Variants in DCBLD1 observed in about 807,000 individuals in gnomAD.
The protein encoded by DCBLD1 is discoidin, CUB and LCCL domain containing 1.
DCBLD1 carries 57 observed loss-of-function variants against 71.5 expected under a neutral mutation model. The observed-to-expected ratio is 0.80, with a 90% CI of 0.64 to 0.99. The LOEUF (loss-of-function observed/expected upper bound fraction) is 0.99, where lower values mean the gene tolerates loss of function less well. Among genes scored for constraint, DCBLD1 ranks in the 50% least tolerant of loss-of-function variants. The probability of loss-of-function intolerance (pLI) is 0.00; values close to 1 mark genes in which losing one functional copy is unlikely to be tolerated. For missense variants in DCBLD1, 891 were observed against 923.5 expected (o/e 0.96, Z 0.46); for synonymous variants, 380 against 363.8 (o/e 1.04, Z -0.51).
At chr6:117,547,854 C>G (rs550242874) in intron 14 of DCBLD1, 53 bp from the exon 15 acceptor site, 8 of 1,549,828 alleles carry the variant, frequency 5.2e-6, no homozygotes, top group Non-Finnish European at 6.1e-6. Flanking sequence ...CTGCCACTGA[C>G]AGGCCGGCCC....
At position 117,548,023 on chromosome 6, in the gene DCBLD1, T is replaced by C; in HGVS notation, c.1732T>C (p.Tyr578His). The change falls in exon 15 of 15, where the codon TAT becomes CAT. Residue 578 changes from tyrosine to histidine, a missense_variant. By Grantham distance (83) the Tyr-to-His change is moderately conservative. Transcript: ENST00000338728. The stretch of plus-strand genomic sequence containing the variant: ...GGTGAGCACCGATGCCGGCGGCCAC[T>C]ATGACTGCCCGCAGCGGGCCGGCCG... Reference protein sequence around the residue: ...AGVSTDAGGHYDCPQRAGRHE... With the variant: ...AGVSTDAGGHHDCPQRAGRHE... The C allele has an allele frequency of 6.5e-7, 1 of 1,550,022 alleles. No homozygotes were observed. The highest frequency in any genetic ancestry group is 1.2e-5 in the South Asian group (1 of 84,036).
At chr6:117,493,147 T>C (rs904048250) in intron 1 of DCBLD1, among the ~76,000 whole-genome samples, 1 of 152,188 alleles carries the variant, frequency 6.6e-6, no homozygotes. Context: ...TTAAAAAATA[T>C]TCATGGCAAT....
Position 117,558,081 on chromosome 6 carries a change from CAA to C in DCBLD1, c.1616-11537_1616-11536del, listed in dbSNP as rs1779518785. 2.6e-5 allele frequency among the ~76,000 whole-genome samples: 4 copies of C among 152,298 alleles called. No individual in the cohort carries two copies. In the South Asian group the frequency reaches 6.2e-4, roughly 24 times the overall value. On this transcript the variant is annotated intron_variant, in intron 14 of 14. Coordinates refer to the DCBLD1 transcript ENST00000296955. ...AAGACCAACAGTCCAGTAGAGATTG[CAA>C]AGTCTCTCAGGTGCAGCCATCCAGA...
At chr6:117,560,237 G>C (rs1370530750) in intron 14 of DCBLD1, 1 of 168,904 alleles carries the variant, frequency 5.9e-6, no homozygotes, top group Non-Finnish European at 1.3e-5. Flanking sequence ...ACAAATAATA[G>C]AACTACTAGA....
Position 117,548,405 on chromosome 6 carries a change from C to A in DCBLD1, c.2114C>A (p.Pro705His). 1.3e-6 allele frequency: 2 copies of A among 1,550,712 alleles called. No homozygotes were observed. The highest frequency in any genetic ancestry group is 1.7e-6 in the Non-Finnish European group (2 of 1,147,014). Residue 705 changes from proline (P) to histidine (H), a missense_variant, in exon 15 of 15, where the codon CCC (proline) becomes CAC (histidine). Pro to His is a moderately conservative substitution (Grantham distance 77, BLOSUM62 -2). Coordinates refer to ENST00000338728, the MANE Select transcript of DCBLD1 (RefSeq NM_001366458.2). ...TCTGCCCCCAGAGACTGCCTCACAC[C>A]CCTCAACCAGACGGCCATGACTGCC... ...SYSAPRDCLT[P>H]LNQTAMTALL is the part of the protein sequence containing the mutation.
At chr6:117,524,634 G>A (rs1778488839) in intron 4 of DCBLD1, among the ~76,000 whole-genome samples, 1 of 152,162 alleles carries the variant, frequency 6.6e-6, no homozygotes, top group Admixed American at 6.6e-5. Context: ...ACTGTGGTGA[G>A]TGCAAATTGA....
Position 117,545,251 on chromosome 6 carries a change from G to T in DCBLD1, c.1496-227G>T, listed in dbSNP as rs533069271. On this transcript the variant is annotated intron_variant, in intron 13 of 14. Transcript: ENST00000338728. Reference sequence around the variant, plus strand: ...AAGGGAGAATCTGGGACCTGATGAGGGCAAAATACCTTTTAAAGGCACAGC... The same window carrying T: ...AAGGGAGAATCTGGGACCTGATGAGTGCAAAATACCTTTTAAAGGCACAGC... 4.4e-4 allele frequency among the ~76,000 whole-genome samples: 67 copies of T among 152,076 alleles called. 1 individual carries two copies. The highest frequency in any genetic ancestry group is 2.1e-3 in the South Asian group (10 of 4,806).
intron 5 of DCBLD1, among the ~76,000 whole-genome samples, chr6:117,528,379 T>A (rs1219803495): frequency 6.6e-6 from 1 of 152,246 alleles, no homozygotes; most frequent in Non-Finnish European, 1.5e-5. Context: ...CCACCAACAT[T>A]TTTAAGCATG....
At chr6:117,551,786 G>A (rs1187370909), downstream of DCBLD1, among the ~76,000 whole-genome samples, 8 of 152,066 alleles carry the variant, frequency 5.3e-5, no homozygotes, top group East Asian at 1.9e-4. Flanking sequence ...TATTTAGTCC[G>A]CCGTCTTGCT....
chr6:117,517,926 G>T (rs895912145), intron 2 of DCBLD1, among the ~76,000 whole-genome samples: 4 of 152,134 alleles, frequency 2.6e-5, no homozygotes, highest in African/African-American at 9.7e-5. Flanking sequence ...ACATGCCCTG[G>T]AGACATTTTC....
chr6:117,548,187 C>T lies in DCBLD1; in HGVS notation c.1896C>T (p.His632=). 1 of 1,550,422 alleles carries T rather than the reference C, an allele frequency of 6.4e-7. No individual in the cohort carries two copies. Among genetic ancestry groups the T allele is most frequent in the Middle Eastern group, 1.7e-4 (1 of 5,992 alleles). The change falls in exon 15 of 15, where the codon CAC becomes CAT. Residue 632 remains histidine, a synonymous_variant. Transcript: ENST00000338728. ...RVPGPQPGHK[H]SLSSGGFSPV... Reference sequence around the variant, plus strand: ...CAGGGCCCCAGCCCGGCCACAAACACTCCCTCTCCTCGGGCGGCTTCTCCC... The same window carrying T: ...CAGGGCCCCAGCCCGGCCACAAACATTCCCTCTCCTCGGGCGGCTTCTCCC...
chr6:117,552,738 C>T (rs1779447709), downstream of DCBLD1, among the ~76,000 whole-genome samples: 2 of 152,040 alleles, frequency 1.3e-5, no homozygotes, highest in South Asian at 4.1e-4. Flanking sequence ...CCATTTAAAC[C>T]ACTCCCACAC....
intron 5 of DCBLD1, among the ~76,000 whole-genome samples, chr6:117,527,268 A>G (rs1778575071): frequency 6.6e-6 from 1 of 152,108 alleles, no homozygotes; most frequent in African/African-American, 2.4e-5. Context: ...GCCCCCACCC[A>G]CACTCAGGGG....
At chr6:117,528,512 C>A (rs1778614175) in intron 5 of DCBLD1, among the ~76,000 whole-genome samples, 1 of 152,022 alleles carries the variant, frequency 6.6e-6, no homozygotes, top group Middle Eastern at 3.2e-3. Flanking sequence ...GTTGATTTTT[C>A]CTAAAGGAAG....
intron 14 of DCBLD1, among the ~76,000 whole-genome samples, chr6:117,559,193 A>C (rs1476154392): frequency 6.6e-6 from 1 of 152,202 alleles, no homozygotes. Flanking sequence ...AGCCTCTCTA[A>C]GAAGCAGACG....
At chr6:117,486,077 T>C (rs1466889722) in intron 1 of DCBLD1, among the ~76,000 whole-genome samples, 1 of 152,248 alleles carries the variant, frequency 6.6e-6, no homozygotes, top group Non-Finnish European at 1.5e-5. Flanking sequence ...AAACTGTTTT[T>C]ATTAACTTTT....
At chr6:117,501,458 C>T (rs935281548) in intron 1 of DCBLD1, among the ~76,000 whole-genome samples, 2 of 152,104 alleles carry the variant, frequency 1.3e-5, no homozygotes, top group Non-Finnish European at 2.9e-5. Flanking sequence ...CTCAGCTTCC[C>T]GAGTAGCTGA....
chr6:117,538,953 G>C, intron 8 of DCBLD1, 118 bp downstream of exon 8: 2 of 1,070,480 alleles, frequency 1.9e-6, no homozygotes, highest in African/African-American at 1.6e-5. Flanking sequence ...CCAAGTTCTT[G>C]AAATATTTGA....
intron 9 of DCBLD1, 157 bp from the exon 10 acceptor site, chr6:117,540,511 T>C: frequency 1.2e-6 from 1 of 819,164 alleles, no homozygotes; most frequent in Non-Finnish European, 1.9e-6. Flanking sequence ...TGGCCCTTGT[T>C]TGCAAAGCCT....
Sources: allele counts gnomAD v4.1 joint callset (sites outside exome capture counted in the v4.1 genomes callset), GRCh38; gene constraint gnomAD v4.1.1; transcripts MANE v1.5; gene names NCBI Gene and HGNC (gene_info 2026-07-23, HGNC 2026-07-21).